The following ASB18 variants were observed in gnomAD, a reference collection of about 807,000 sequenced individuals.
The protein encoded by ASB18 is ankyrin repeat and SOCS box protein 18.
In ASB18, 33 loss-of-function variants were observed where a neutral mutation model predicts 33.4. The ratio of observed to expected loss-of-function variants is 0.99; its 90% CI spans 0.75 to 1.32. The LOEUF is 1.32. ASB18 is among the 40% of genes most tolerant of loss of function. The pLI, the probability that ASB18 is intolerant of heterozygous loss-of-function variation, is 0.00. For synonymous variants in ASB18, 295 were observed against 307.6 expected, an observed-to-expected ratio of 0.96 and a Z score of 0.43; for missense variants, 694 against 655.5, an observed-to-expected ratio of 1.06 and a Z score of -0.64.
chr2:236,197,343 G>A (rs144884609), intron 4 of ASB18, among the ~76,000 whole-genome samples: 8 of 152,244 alleles, frequency 5.3e-5, no homozygotes, highest in African/African-American at 1.9e-4. Context: ...AGTTAGGGCC[G>A]ATATAATGAG....
In ASB18 at chr2:236,262,885, G is replaced by GA. The variant is rs368543624; in HGVS notation, c.205+1255_205+1256insT. Among the ~76,000 whole-genome samples the GA allele has an allele frequency of 2.1e-5, 1 of 47,916 alleles. No homozygotes were observed. Among genetic ancestry groups the GA allele is most frequent in the African/African-American group, 7.1e-5 (1 of 14,112 alleles). 31.4% of individuals were successfully genotyped at this position (47,916 alleles called of 152,430 possible). On this transcript the variant is annotated intron_variant, in intron 1 of 5. Transcript: ENST00000409749. The surrounding 1 kb of genome is among the most constrained non-coding windows in gnomAD (Gnocchi z 5.2). ...GCCCAGAAAGTAGACCCAAACCAAG[G>GA]GGGGGGGGCGGACCCCCTCGGAAGT...
intron 3 of ASB18, among the ~76,000 whole-genome samples, chr2:236,233,768 AAATG>A (rs1349639108): frequency 1.3e-5 from 2 of 152,198 alleles, no homozygotes; most frequent in African/African-American, 4.8e-5. Context: ...AGAAATAAAT[AAATG>A]GAGGAGTATA....
rs376015101 is a variant in ASB18, at chr2:236,255,040, C to T, written c.205+9101G>A. 6.6e-6 allele frequency among the ~76,000 whole-genome samples: 1 copy of T among 152,314 alleles called. No homozygotes were observed. Among genetic ancestry groups the T allele is most frequent in the Non-Finnish European group, 1.5e-5 (1 of 68,034 alleles). On this transcript the variant is annotated intron_variant, in intron 1 of 5. Coordinates refer to ENST00000409749, the MANE Select transcript of ASB18 (RefSeq NM_212556.4). This position sits in a 1 kb window ranked among gnomAD's most constrained non-coding sequence, Gnocchi z 4.4. The stretch of plus-strand genomic sequence containing the variant: ...CCTGCTCCCCATTTGCGTTCCGCCG[C>T]GACTGAAAGCTTCCTGAAGTCTCCC...
Position 236,208,355 on chromosome 2 carries a change from T to A in ASB18, c.1101+6007A>T, listed in dbSNP as rs1399262607. 6.6e-6 allele frequency among the ~76,000 whole-genome samples: 1 copy of A among 152,122 alleles called. No individual in the cohort carries two copies. Among genetic ancestry groups the A allele is most frequent in the Non-Finnish European group, 1.5e-5 (1 of 68,020 alleles). Reference sequence around the variant, plus strand: ...CGTGCACGGCAGTCTCTGATTTCAATCATCCCCTTCTGTGTTGGGAAAAAA... The same window carrying A: ...CGTGCACGGCAGTCTCTGATTTCAAACATCCCCTTCTGTGTTGGGAAAAAA... On this transcript the variant is annotated intron_variant, in intron 4 of 5. Transcript: ENST00000409749. This position sits in a 1 kb window ranked among gnomAD's most constrained non-coding sequence, Gnocchi z 7.7.
chr2:236,253,368 A>C lies in ASB18; in HGVS notation c.205+10773T>G, dbSNP rs1464885323. Among the ~76,000 whole-genome samples, 1 of 152,054 alleles carries C rather than the reference A, an allele frequency of 6.6e-6. No homozygotes were observed. The highest frequency in any genetic ancestry group is 1.5e-5 in the Non-Finnish European group (1 of 67,988). ...AGTTTGATTCTCATTCAAGGGGCTCAGTCTTTATTTTTGTTTTTATTTTTT... is the reference window on the plus strand; with the variant it reads ...AGTTTGATTCTCATTCAAGGGGCTCCGTCTTTATTTTTGTTTTTATTTTTT... On this transcript the variant is annotated intron_variant, in intron 1 of 5. Coordinates refer to ENST00000409749, the MANE Select transcript of ASB18 (RefSeq NM_212556.4). This position sits in a 1 kb window ranked among gnomAD's most constrained non-coding sequence, Gnocchi z 5.4.
rs375309927 is a variant in ASB18, at chr2:236,256,885, A to G, written c.205+7256T>C. Among the ~76,000 whole-genome samples the G allele has an allele frequency of 2.1e-4, 32 of 151,366 alleles. No individual in the cohort carries two copies. The highest frequency in any genetic ancestry group is 2.9e-4 in the Non-Finnish European group (20 of 67,802). Reference sequence around the variant, plus strand: ...AGTGTCATTCAACCTGCTTCTGGGGAAAAAAAAAGAGCCTAGGGTGTGTGT... The same window carrying G: ...AGTGTCATTCAACCTGCTTCTGGGGGAAAAAAAAGAGCCTAGGGTGTGTGT... On this transcript the variant is annotated intron_variant, in intron 1 of 5. Transcript: ENST00000409749. The surrounding 1 kb of genome is among the most constrained non-coding windows in gnomAD (Gnocchi z 4.7).
chr2:236,229,868 C>G lies in ASB18; in HGVS notation c.596+7821G>C, dbSNP rs577873567. ...AATAATAATAAAAAGAAACATAAAA[C>G]TACATCAAAGCACCTCATAACCAAA... On this transcript the variant is annotated intron_variant, in intron 3 of 5. Transcript: ENST00000409749. The surrounding 1 kb of genome is among the most constrained non-coding windows in gnomAD (Gnocchi z 5.2). Among the ~76,000 whole-genome samples the G allele has an allele frequency of 1.1e-4, 16 of 152,098 alleles. No homozygotes were observed. The highest frequency in any genetic ancestry group is 9.2e-4 in the Admixed American group (14 of 15,248).
chr2:236,212,389 T>C (rs538723231), intron 4 of ASB18, among the ~76,000 whole-genome samples: 151 of 152,298 alleles, frequency 9.9e-4, no homozygotes, highest in African/African-American at 3.5e-3. Context: ...GTCCTGTTCC[T>C]AGAAATGATG....
intron 4 of ASB18, among the ~76,000 whole-genome samples, chr2:236,212,502 T>C (rs2060463299): frequency 6.6e-6 from 1 of 152,236 alleles, no homozygotes; most frequent in African/African-American, 2.4e-5. Flanking sequence ...TACTGAAATA[T>C]ATTGACTCCT....
intron 4 of ASB18, among the ~76,000 whole-genome samples, chr2:236,197,632 A>G (rs755209981): frequency 1.6e-4 from 24 of 152,126 alleles, no homozygotes; most frequent in Non-Finnish European, 2.8e-4. Flanking sequence ...GAGCAGCCTG[A>G]CCAACATGGA....
chr2:236,264,214 G>T lies in ASB18; in HGVS notation c.132C>A (p.Asp44Glu). 1 of 1,613,898 alleles carries T rather than the reference G, an allele frequency of 6.2e-7. No homozygotes were observed. Among genetic ancestry groups the T allele is most frequent in the Non-Finnish European group, 8.5e-7 (1 of 1,179,864 alleles). ...DLICTEITPV[D>E]AVIELANDDW... ...CGTCATTGGCCAGTTCTATCACAGC[G>T]TCCACAGGCGTGATTTCAGTGCAGA... Residue 44 changes from aspartate (D) to glutamate (E), a missense_variant, in exon 1 of 6, where the codon GAC (aspartate) becomes GAA (glutamate). By Grantham distance (45) the Asp-to-Glu change is conservative (BLOSUM62 2). Transcript: ENST00000409749. The surrounding 1 kb of genome is among the most constrained non-coding windows in gnomAD (Gnocchi z 5.1).
In ASB18 at chr2:236,229,041, G is replaced by C. The variant is rs2060553257; in HGVS notation, c.596+8648C>G. 6.6e-6 allele frequency among the ~76,000 whole-genome samples: 1 copy of C among 152,146 alleles called. No homozygotes were observed. Among genetic ancestry groups the C allele is most frequent in the South Asian group, 2.1e-4 (1 of 4,830 alleles). ...GAGAATCATTTGAAACTAGGAGTTT[G>C]AGACCATCCTGGGCAGCAAAACAAG... On this transcript the variant is annotated intron_variant, in intron 3 of 5. Coordinates refer to ENST00000409749, the MANE Select transcript of ASB18 (RefSeq NM_212556.4). The surrounding 1 kb of genome is among the most constrained non-coding windows in gnomAD (Gnocchi z 5.2).
rs2060596351 is a variant in ASB18 at position 236,237,212 on chromosome 2, C to G, written c.596+477G>C. Among the ~76,000 whole-genome samples the G allele has an allele frequency of 6.6e-6, 1 of 152,208 alleles. No individual in the cohort carries two copies. The highest frequency in any genetic ancestry group is 1.9e-4 in the East Asian group (1 of 5,164). On this transcript the variant is annotated intron_variant, in intron 3 of 5. Coordinates refer to ENST00000409749, the MANE Select transcript of ASB18 (RefSeq NM_212556.4). This position sits in a 1 kb window ranked among gnomAD's most constrained non-coding sequence, Gnocchi z 6.2. ...ATCATTAAAAACCCTAATTTTTCAG[C>G]CTCCAACCCCGCCAGTGGCCTTTTA...
In ASB18 at chr2:236,245,782, A is replaced by G. The variant is rs545811148; in HGVS notation, c.206-4380T>C. On this transcript the variant is annotated intron_variant, in intron 1 of 5. Coordinates refer to ENST00000409749, the MANE Select transcript of ASB18 (RefSeq NM_212556.4). The surrounding 1 kb of genome is among the most constrained non-coding windows in gnomAD (Gnocchi z 4.7). ...CTCTGGGAAGTTCTTCATGCCCCGC[A>G]TGGTGTTCCACACAGAGAAGGTCTT... Among the ~76,000 whole-genome samples, 12 of 152,336 alleles carry G rather than the reference A, an allele frequency of 7.9e-5. No individual in the cohort carries two copies. The South Asian group carries it at 2.5e-3, about 32-fold the overall frequency.
chr2:236,243,329 CAA>C (rs34711903), intron 1 of ASB18, among the ~76,000 whole-genome samples: 12 of 109,074 alleles, frequency 1.1e-4, no homozygotes, highest in African/African-American at 1.0e-4. Flanking sequence ...GACTCCATCT[CAA>C]AAAAAAAAAA....
In ASB18 at chr2:236,255,878, T is replaced by C. The variant is rs985975019; in HGVS notation, c.205+8263A>G. Among the ~76,000 whole-genome samples the C allele has an allele frequency of 2.6e-5, 4 of 152,202 alleles. No individual in the cohort carries two copies. Among genetic ancestry groups the C allele is most frequent in the African/African-American group, 9.7e-5 (4 of 41,450 alleles). ...GCCTTGGGTGCACTACGTTTCCTGC[T>C]CGCCTCCCTTTATCTGGGCTTCCTT... is the stretch of plus-strand genomic sequence containing the variant. On this transcript the variant is annotated intron_variant, in intron 1 of 5. Transcript: ENST00000409749. The surrounding 1 kb of genome is among the most constrained non-coding windows in gnomAD (Gnocchi z 4.4).
chr2:236,206,541 C>T (rs1463132995), intron 4 of ASB18, among the ~76,000 whole-genome samples: 1 of 152,198 alleles, frequency 6.6e-6, no homozygotes, highest in Admixed American at 6.5e-5. Context: ...ATCATCCAGA[C>T]ACTGAAACAA....
rs1324151833 is a variant in ASB18 at position 236,239,890 on chromosome 2, T to G, written c.328+1390A>C. On this transcript the variant is annotated intron_variant, in intron 2 of 5. Transcript: ENST00000409749. The surrounding 1 kb of genome is among the most constrained non-coding windows in gnomAD (Gnocchi z 5.6). ...GGAGGAGGCTGGAATCCAGGCAGCC[T>G]GAGCTTGCCTCCCTCTCTTCCCAGC... Among the ~76,000 whole-genome samples, 1 of 152,220 alleles carries G rather than the reference T, an allele frequency of 6.6e-6. No homozygotes were observed. The highest frequency in any genetic ancestry group is 1.5e-5 in the Non-Finnish European group (1 of 68,036).
At chr2:236,236,521 T>C (rs62190972) in intron 3 of ASB18, among the ~76,000 whole-genome samples, 30,075 of 152,086 alleles carry the variant, frequency 0.2, 3,102 homozygotes, top group South Asian at 0.25. Flanking sequence ...TGCCGCTTGC[T>C]GAATGTCAAT....
Sources: gnomAD v4.1 joint callset for allele counts (sites outside exome capture counted in the v4.1 genomes callset) on GRCh38, gnomAD v4.1.1 for gene constraint, Gnocchi (gnomAD v3.1) non-coding constraint, MANE v1.5 for transcripts, NCBI Gene and HGNC (gene_info 2026-07-23, HGNC 2026-07-21) for gene names.